Variants in PTH2R observed in about 807,000 individuals in gnomAD.
PTH2R encodes parathyroid hormone 2 receptor.
In PTH2R, 59 loss-of-function variants were observed where a neutral mutation model predicts 60.3. The observed-to-expected ratio is 0.98, with a 90% CI of 0.79 to 1.22. The LOEUF (loss-of-function observed/expected upper bound fraction) is 1.22, where lower values mean the gene tolerates loss of function less well. Ranked by LOEUF, PTH2R falls within the 50% of genes most tolerant of loss-of-function variation. The pLI is 0.00. For synonymous variants in PTH2R, 256 were observed against 243.8 expected, an observed-to-expected ratio of 1.05 and a Z score of -0.47; for missense variants, 749 against 682.6, an observed-to-expected ratio of 1.10 and a Z score of -1.08.
intron 1 of PTH2R, among the ~76,000 whole-genome samples, chr2:208,391,745 C>T (rs1471387799): frequency 2.0e-5 from 3 of 152,108 alleles, no homozygotes; most frequent in African/African-American, 4.8e-5. Flanking sequence ...AGGCTTAATC[C>T]GCTCTTTCCC....
intron 12 of PTH2R, among the ~76,000 whole-genome samples, chr2:208,491,392 A>G (rs1574920427): frequency 6.6e-6 from 1 of 152,206 alleles, no homozygotes; most frequent in Admixed American, 6.5e-5. Flanking sequence ...AGGGGTAAGT[A>G]GGTCAGTTTA....
At position 208,372,474 on chromosome 2, in the gene PTH2R, C is replaced by T. The variant is rs531057085; in HGVS notation, c.-259+12237C>T. ...TCCAGAATACTTTGTAATAATATAC[C>T]CTAAGTTTGATCAGCTTTTTGGCAT... On this transcript the variant is annotated intron_variant, in intron 1 of 12. Coordinates refer to the PTH2R transcript ENST00000617735. 2.6e-5 allele frequency among the ~76,000 whole-genome samples: 4 copies of T among 151,922 alleles called. 1 individual carries two copies. The South Asian group carries it at 6.3e-4, about 24-fold the overall frequency.
intron 1 of PTH2R, among the ~76,000 whole-genome samples, chr2:208,371,825 A>G (rs1226920092): frequency 2.6e-5 from 4 of 152,082 alleles, no homozygotes; most frequent in Non-Finnish European, 5.9e-5. Context: ...ATGGGGTAGG[A>G]CAAGATGTCA....
intron 9 of PTH2R, among the ~76,000 whole-genome samples, chr2:208,480,655 TAGAC>T (rs1412010384): frequency 2.6e-5 from 4 of 152,316 alleles, no homozygotes; most frequent in African/African-American, 4.8e-5. Flanking sequence ...TCATACATCA[TAGAC>T]AGAGTGAATC....
intron 7 of PTH2R, among the ~76,000 whole-genome samples, chr2:208,446,292 A>G (rs1452557575): frequency 2.6e-5 from 4 of 152,194 alleles, no homozygotes; most frequent in Non-Finnish European, 4.4e-5. Context: ...ACCGAATCTC[A>G]GAAAACACAA....
intron 9 of PTH2R, among the ~76,000 whole-genome samples, chr2:208,472,895 TA>T (rs35356321): frequency 0.57 from 86,804 of 152,006 alleles, 27,412 homozygotes; most frequent in Non-Finnish European, 0.69. Flanking sequence ...AAAGGTTATG[TA>T]ACTTGCCTGA....
chr2:208,460,002 A>G lies in PTH2R; in HGVS notation c.981+41A>G, dbSNP rs778728947. ...TGTATAGTTAAAAAAGGGATGAAAAATTAACCTGCTGCTAAAACCCAGAGA... is the reference window on the plus strand; with the variant it reads ...TGTATAGTTAAAAAAGGGATGAAAAGTTAACCTGCTGCTAAAACCCAGAGA... On this transcript the variant is annotated intron_variant, in intron 9 of 12. Coordinates refer to ENST00000272847, the MANE Select transcript of PTH2R (RefSeq NM_005048.4). 7.1e-6 allele frequency: 11 copies of G among 1,540,654 alleles called. No homozygotes were observed. The East Asian group carries it at 2.5e-4, about 35-fold the overall frequency.
chr2:208,477,585 T>C (rs1354031947), intron 9 of PTH2R, among the ~76,000 whole-genome samples: 1 of 152,074 alleles, frequency 6.6e-6, no homozygotes, highest in African/African-American at 2.4e-5. Flanking sequence ...AAAAAACCCC[T>C]CTACCCCAAA....
chr2:208,487,754 C>T (rs373757513), intron 10 of PTH2R, among the ~76,000 whole-genome samples: 34 of 152,290 alleles, frequency 2.2e-4, no homozygotes, highest in African/African-American at 5.8e-4. Context: ...GAATCTACTT[C>T]TAAGTTCATG....
At chr2:208,455,864 G>A (rs1296718544) in intron 8 of PTH2R, among the ~76,000 whole-genome samples, 1 of 152,158 alleles carries the variant, frequency 6.6e-6, no homozygotes, top group Admixed American at 6.5e-5. Flanking sequence ...TTGGAGATAA[G>A]CATGTCAGAC....
intron 9 of PTH2R, among the ~76,000 whole-genome samples, chr2:208,470,598 C>A (rs570370394): frequency 3.3e-5 from 5 of 151,496 alleles, no homozygotes; most frequent in Non-Finnish European, 7.3e-5. Context: ...CATCTTCTGT[C>A]ATGATTTGAG....
intron 9 of PTH2R, among the ~76,000 whole-genome samples, chr2:208,479,881 T>G (rs1363106849): frequency 6.6e-6 from 1 of 152,212 alleles, no homozygotes; most frequent in Non-Finnish European, 1.5e-5. Context: ...TCCTCCATGT[T>G]CATGTAAGGT....
At chr2:208,430,557 T>C (rs544556179) in intron 2 of PTH2R, among the ~76,000 whole-genome samples, 31 of 150,874 alleles carry the variant, frequency 2.1e-4, no homozygotes, top group African/African-American at 7.3e-4. Flanking sequence ...TTTTTTTTTT[T>C]TTTTTTTGAG....
upstream of PTH2R, among the ~76,000 whole-genome samples, chr2:208,404,578 A>G (rs1346241560): frequency 6.6e-6 from 1 of 152,158 alleles, no homozygotes; most frequent in African/African-American, 2.4e-5. Context: ...TTTCCTCGAC[A>G]TTGTCATTAT....
chr2:208,419,612 G>A (rs1190671660), intron 1 of PTH2R, among the ~76,000 whole-genome samples: 1 of 152,190 alleles, frequency 6.6e-6, no homozygotes, highest in Non-Finnish European at 1.5e-5. Context: ...CCTATGTCCT[G>A]AATGGTATTC....
upstream of PTH2R, among the ~76,000 whole-genome samples, chr2:208,404,369 T>C (rs1370518044): frequency 6.6e-6 from 1 of 152,240 alleles, no homozygotes; most frequent in Non-Finnish European, 1.5e-5. Context: ...CAATTTTCTT[T>C]AATCCTCAGT....
intron 12 of PTH2R, 65 bp from the exon 13 acceptor site, chr2:208,493,199 T>G (rs1703445402): frequency 7.2e-7 from 1 of 1,383,914 alleles, no homozygotes; most frequent in Admixed American, 2.7e-5. Context: ...GGCAAACATC[T>G]TTGTAACAAG....
chr2:208,482,963 T>A (rs1703191383), intron 10 of PTH2R, among the ~76,000 whole-genome samples: 1 of 152,230 alleles, frequency 6.6e-6, no homozygotes. Flanking sequence ...TCACGTGCTG[T>A]TGGCTCATTC....
At chr2:208,449,074 AATG>A (rs1407499785) in intron 7 of PTH2R, among the ~76,000 whole-genome samples, 7 of 152,202 alleles carry the variant, frequency 4.6e-5, no homozygotes, top group Non-Finnish European at 7.3e-5. Context: ...CAGATATAAG[AATG>A]ATAAGATGTG....
Sources: gnomAD v4.1 joint callset for allele counts (sites outside exome capture counted in the v4.1 genomes callset) on GRCh38, gnomAD v4.1.1 for gene constraint, MANE v1.5 for transcripts, NCBI Gene and HGNC (gene_info 2026-07-23, HGNC 2026-07-21) for gene names.